NFIB: variants seen among roughly 807,000 people sequenced by gnomAD.
NFIB encodes the protein nuclear factor I B, also known as nuclear factor 1 B-type.
A neutral mutation model predicts 61.5 loss-of-function variants in NFIB; 11 were observed. That is an observed-to-expected ratio of 0.18 (90% CI 0.11 to 0.30). The LOEUF is 0.30. NFIB is among the 10% of genes least tolerant of loss of function. NFIB has a pLI of 1.00. For synonymous variants in NFIB, 260 were observed against 216.5 expected (o/e 1.20, Z -1.76); for missense variants, 471 against 608.9 (o/e 0.77, Z 2.38).
At chr9:14,089,926 T>C (rs1407233262) in intron 10 of NFIB, among the ~76,000 whole-genome samples, 2 of 152,170 alleles carry the variant, frequency 1.3e-5, no homozygotes, top group African/African-American at 4.8e-5. Context: ...CAAAACAATA[T>C]CACAACGACC....
chr9:14,464,831 A>G, the NFIB span, among the ~76,000 whole-genome samples: 1 of 152,086 alleles, frequency 6.6e-6, no homozygotes, highest in African/African-American at 2.4e-5. Context: ...GAAGTTATTT[A>G]TCTTTTTGTC....
At chr9:14,162,718 G>C (rs114786441) in intron 3 of NFIB, among the ~76,000 whole-genome samples, 1 of 152,164 alleles carries the variant, frequency 6.6e-6, no homozygotes, top group Admixed American at 6.6e-5. Context: ...ATCTGTTGCA[G>C]AGAAGACTCT....
At chr9:14,098,517 A>C (rs1288383623) in intron 10 of NFIB, among the ~76,000 whole-genome samples, 2 of 152,214 alleles carry the variant, frequency 1.3e-5, no homozygotes, top group Admixed American at 6.5e-5. Flanking sequence ...TATCACTTTA[A>C]GAAAGCCAGC....
At chr9:14,184,815 G>T (rs2047165764) in intron 2 of NFIB, among the ~76,000 whole-genome samples, 2 of 152,134 alleles carry the variant, frequency 1.3e-5, no homozygotes, top group African/African-American at 4.8e-5. Flanking sequence ...GAGGCCAGGA[G>T]TTTGAGACCA....
the NFIB span, among the ~76,000 whole-genome samples, chr9:14,469,029 C>T: frequency 6.6e-6 from 1 of 152,138 alleles, no homozygotes; most frequent in Non-Finnish European, 1.5e-5. Context: ...CAGGCAGGCA[C>T]AACAATGCCC....
intron 2 of NFIB, among the ~76,000 whole-genome samples, chr9:14,304,880 A>C (rs1006833333): frequency 3.9e-5 from 6 of 152,212 alleles, no homozygotes; most frequent in Admixed American, 2.6e-4. Context: ...AATTTTGAAA[A>C]GGGGAAAACA....
rs2061261807 is a variant in NFIB, at chr9:14,363,314, G to A, written c.108+35210C>T. ...AACTGTGGCAGTGGTTCAAAAACTGGCTACAGTTTTCAGCTTTGCCCCTCC... is the reference window on the plus strand; with the variant it reads ...AACTGTGGCAGTGGTTCAAAAACTGACTACAGTTTTCAGCTTTGCCCCTCC... On this transcript the variant is annotated intron_variant, in intron 1 of 8. Coordinates refer to the NFIB transcript ENST00000380934. Among the ~76,000 whole-genome samples the A allele has an allele frequency of 2.0e-5, 3 of 152,108 alleles. No homozygotes were observed. The South Asian group carries it at 6.2e-4, about 32-fold the overall frequency.
chr9:14,448,010 C>T, the NFIB span, among the ~76,000 whole-genome samples: 1 of 152,172 alleles, frequency 6.6e-6, no homozygotes, highest in South Asian at 2.1e-4. Flanking sequence ...ATCTGGCTTT[C>T]TATCAATGAA....
the NFIB span, among the ~76,000 whole-genome samples, chr9:14,489,449 T>C: frequency 6.6e-6 from 1 of 152,216 alleles, no homozygotes; most frequent in East Asian, 1.9e-4. Context: ...TATAAACTCC[T>C]TGAATGTGGA....
At chr9:14,363,168 A>C (rs946877338) in intron 1 of NFIB, among the ~76,000 whole-genome samples, 5 of 152,208 alleles carry the variant, frequency 3.3e-5, no homozygotes, top group Non-Finnish European at 7.3e-5. Flanking sequence ...AATTGTAAAA[A>C]TTAAAATTAA....
chr9:14,097,301 A>G (rs534945410), intron 10 of NFIB, among the ~76,000 whole-genome samples: 1 of 152,306 alleles, frequency 6.6e-6, no homozygotes, highest in Admixed American at 6.5e-5. Flanking sequence ...CAGCATTTCT[A>G]TCATAGTCCC....
intron 8 of NFIB, among the ~76,000 whole-genome samples, chr9:14,119,863 T>G (rs1057296940): frequency 1.3e-5 from 2 of 152,124 alleles, no homozygotes; most frequent in African/African-American, 4.8e-5. Context: ...ACTTACAAAA[T>G]GAATCCCCAA....
chr9:14,388,363 AGAAAGAAGGAAGGAAGGAAGGAAGGAAG>A (rs2061576400), intron 1 of NFIB, among the ~76,000 whole-genome samples: 1 of 81,604 alleles, frequency 1.2e-5, no homozygotes, highest in African/African-American at 4.5e-5. Context: ...AAAAAGAGAA[AGAAAGAAGGAAGGAAGGAAGGAAGGAAG>A]GAAGGAAGGA....
At chr9:14,278,344 G>C (rs192347695) in intron 2 of NFIB, among the ~76,000 whole-genome samples, 1 of 152,208 alleles carries the variant, frequency 6.6e-6, no homozygotes, top group African/African-American at 2.4e-5. Flanking sequence ...TAATTGAGTC[G>C]TGCGAAGCTA....
chr9:14,253,873 T>C (rs548846101), intron 2 of NFIB, among the ~76,000 whole-genome samples: 1 of 152,274 alleles, frequency 6.6e-6, no homozygotes, highest in African/African-American at 2.4e-5. Context: ...CAGCACATCA[T>C]GGGTCTTGTA....
intron 2 of NFIB, among the ~76,000 whole-genome samples, chr9:14,186,524 G>A (rs943735108): frequency 3.3e-5 from 5 of 152,062 alleles, no homozygotes; most frequent in Non-Finnish European, 7.4e-5. Flanking sequence ...TTGACGGAAG[G>A]AATACAAATG....
the NFIB span, among the ~76,000 whole-genome samples, chr9:14,523,794 C>T: frequency 6.6e-6 from 1 of 152,060 alleles, no homozygotes; most frequent in Non-Finnish European, 1.5e-5. Flanking sequence ...GTGACAGGTC[C>T]GTCTGCTGCC....
chr9:14,456,643 A>C, the NFIB span, among the ~76,000 whole-genome samples: 1 of 152,222 alleles, frequency 6.6e-6, no homozygotes, highest in Non-Finnish European at 1.5e-5. Context: ...AATTCAAATT[A>C]AAATTAAAGT....
intron 2 of NFIB, among the ~76,000 whole-genome samples, chr9:14,245,965 T>C (rs1445489365): frequency 6.6e-6 from 1 of 151,960 alleles, no homozygotes; most frequent in East Asian, 1.9e-4. Context: ...GAAATGAGTT[T>C]ACTGTAAATA....
Sources: gnomAD v4.1 joint callset for allele counts (sites outside exome capture counted in the v4.1 genomes callset) on GRCh38, gnomAD v4.1.1 for gene constraint, MANE v1.5 for transcripts, NCBI Gene and HGNC (gene_info 2026-07-23, HGNC 2026-07-21) for gene names.